The following PIP4K2A variants were observed in gnomAD, a reference collection of about 807,000 sequenced individuals.
PIP4K2A encodes the protein phosphatidylinositol 5-phosphate 4-kinase type-2 alpha.
Under a neutral mutation model 42.9 loss-of-function variants are expected in PIP4K2A, and 14 were observed. That is an observed-to-expected ratio of 0.33 (90% CI 0.22 to 0.51). The LOEUF is 0.51. PIP4K2A is among the 20% of genes least tolerant of loss of function. The pLI, the probability that PIP4K2A is intolerant of heterozygous loss-of-function variation, is 0.97. For missense variants in PIP4K2A, 434 were observed against 519.8 expected (o/e 0.83, Z 1.61); for synonymous variants, 192 against 192.2 (o/e 1.00, Z 0.01).
At chr10:22,600,859 A>G (rs1226746936) in intron 3 of PIP4K2A, among the ~76,000 whole-genome samples, 1 of 152,124 alleles carries the variant, frequency 6.6e-6, no homozygotes, top group African/African-American at 2.4e-5. Flanking sequence ...CTCTTGGGGA[A>G]TTTCAAAGAA....
At chr10:22,606,373 A>T (rs1442115236) in intron 3 of PIP4K2A, among the ~76,000 whole-genome samples, 1 of 152,124 alleles carries the variant, frequency 6.6e-6, no homozygotes, top group Non-Finnish European at 1.5e-5. Flanking sequence ...ATAGCAGATG[A>T]GCAACCACAT....
intron 1 of PIP4K2A, among the ~76,000 whole-genome samples, chr10:22,711,088 T>C (rs1260232147): frequency 1.3e-5 from 2 of 152,258 alleles, no homozygotes. Context: ...TTATATTCTC[T>C]GCTTAAAATA....
intron 4 of PIP4K2A, among the ~76,000 whole-genome samples, chr10:22,575,539 T>C (rs2130798967): frequency 6.6e-6 from 1 of 152,330 alleles, no homozygotes; most frequent in East Asian, 1.9e-4. Flanking sequence ...CAGCAAATCA[T>C]TGACTAGTTG....
rs574699578 is a variant in PIP4K2A, at chr10:22,696,296, G to C, written c.144+17887C>G. Among the ~76,000 whole-genome samples, 540 of 152,280 alleles carry C rather than the reference G, an allele frequency of 3.5e-3. 2 individuals carry two copies. The highest frequency in any genetic ancestry group is 6.4e-3 in the Non-Finnish European group (434 of 68,016). ...TTTGTAGGAAACACAGGCTATAAGGGTCTCTCCTCAGCTGACATGCCCAAC... is the reference window on the plus strand; with the variant it reads ...TTTGTAGGAAACACAGGCTATAAGGCTCTCTCCTCAGCTGACATGCCCAAC... On this transcript the variant is annotated intron_variant, in intron 1 of 9. Transcript: ENST00000376573.
At chr10:22,604,958 G>A (rs1009161539) in intron 3 of PIP4K2A, among the ~76,000 whole-genome samples, 2 of 152,160 alleles carry the variant, frequency 1.3e-5, no homozygotes, top group African/African-American at 4.8e-5. Context: ...GGCCTGCGAG[G>A]TGACCCTGGA....
Position 22,591,745 on chromosome 10 carries a change from A to G in PIP4K2A, c.376T>C (p.Ser126Pro). The G allele has an allele frequency of 3.1e-6, 5 of 1,612,796 alleles. No individual in the cohort carries two copies. The highest frequency in any genetic ancestry group is 4.2e-6 in the Non-Finnish European group (5 of 1,179,310). The change falls in exon 4 of 10, where the codon TCC becomes CCC. Residue 126 changes from serine to proline, a missense_variant. Physicochemically the swap from Ser to Pro is moderately conservative, Grantham distance 74. This residue lies in a region of PIP4K2A where 395 missense variants were observed against 444.5 expected (regional missense o/e 0.89). Transcript: ENST00000376573. ...LTRSAPLPND[S>P]QARSGARFHT... ...AAACGAGCTCCACTGCGGGCCTGGG[A>G]GTCGTTGGGGAGGGGTGCGCTCCTG...
chr10:22,604,078 T>A (rs914792857), intron 3 of PIP4K2A, among the ~76,000 whole-genome samples: 1 of 152,184 alleles, frequency 6.6e-6, no homozygotes, highest in Admixed American at 6.5e-5. Context: ...GTGGTACTGT[T>A]ATTAACAATG....
intron 1 of PIP4K2A, among the ~76,000 whole-genome samples, chr10:22,674,415 CAAAAAA>C (rs1002492534): frequency 1.5e-4 from 9 of 61,126 alleles, no homozygotes; most frequent in South Asian, 6.9e-4. Context: ...CACTTGGGAG[CAAAAAA>C]AAAAAAAAAA....
At chr10:22,695,195 A>G (rs978762667) in intron 1 of PIP4K2A, among the ~76,000 whole-genome samples, 2 of 152,246 alleles carry the variant, frequency 1.3e-5, no homozygotes, top group Non-Finnish European at 2.9e-5. Context: ...TCACGCTATC[A>G]ATAATTTTTA....
At chr10:22,590,439 C>T (rs575883657) in intron 4 of PIP4K2A, among the ~76,000 whole-genome samples, 1 of 152,272 alleles carries the variant, frequency 6.6e-6, no homozygotes, top group South Asian at 2.1e-4. Flanking sequence ...GCTATGGCCA[C>T]CACCACACAT....
intron 1 of PIP4K2A, among the ~76,000 whole-genome samples, chr10:22,708,958 A>AT (rs1020058892): frequency 6.6e-6 from 1 of 151,988 alleles, no homozygotes; most frequent in South Asian, 2.1e-4. Flanking sequence ...ATGTTTTTAC[A>AT]TTTTTTGTAG....
intron 1 of PIP4K2A, among the ~76,000 whole-genome samples, chr10:22,683,238 A>G (rs181551504): frequency 2.0e-5 from 3 of 152,174 alleles, no homozygotes; most frequent in East Asian, 1.9e-4. Context: ...CTCAACTCTT[A>G]TGAGTTCTGC....
Position 22,681,160 on chromosome 10 carries a change from CT to C in PIP4K2A, c.144+33022del, listed in dbSNP as rs374345104. Among the ~76,000 whole-genome samples the C allele has an allele frequency of 5.8e-3, 876 of 152,294 alleles. 5 individuals carry two copies. Among genetic ancestry groups the C allele is most frequent in the African/African-American group, 0.02 (827 of 41,562 alleles). ...TGTATCGTTCTCAGCATAAAAGTGT[CT>C]TGCTTTGGCCAATTCCTTTGGATTT... On this transcript the variant is annotated intron_variant, in intron 1 of 9. Coordinates refer to ENST00000376573, the MANE Select transcript of PIP4K2A (RefSeq NM_005028.5).
chr10:22,671,221 T>C (rs1272234381), intron 1 of PIP4K2A, among the ~76,000 whole-genome samples: 2 of 152,196 alleles, frequency 1.3e-5, no homozygotes, highest in Admixed American at 6.5e-5. Context: ...AATAGCTAAT[T>C]CAACATACTA....
rs1259321772 is a variant in PIP4K2A at position 22,536,890 on chromosome 10, T to C, written c.*311A>G. On this transcript the variant is annotated 3_prime_UTR_variant, in exon 10 of 10. Coordinates refer to ENST00000376573, the MANE Select transcript of PIP4K2A (RefSeq NM_005028.5). ...ATCAAAGGGTCTTTGTTGGGACACA[T>C]ACTGACCGAAGTGGATCTGTTTTAA... 3.8e-6 allele frequency: 1 copy of C among 262,428 alleles called. No individual in the cohort carries two copies. The highest frequency in any genetic ancestry group is 6.3e-5 in the South Asian group (1 of 15,752). The allele number at this position is 262,428 out of a possible 1,614,324, so 16.3% of individuals were successfully genotyped here. A position where few individuals can be genotyped will look rare whatever the true frequency, so the allele number is the denominator to read the frequency against.
intron 3 of PIP4K2A, among the ~76,000 whole-genome samples, chr10:22,604,131 GA>G: frequency 6.6e-6 from 1 of 152,218 alleles, no homozygotes; most frequent in Admixed American, 6.5e-5. Flanking sequence ...TAACAACAAG[GA>G]AAAGTCATTT....
chr10:22,665,240 A>G (rs1839324101), intron 1 of PIP4K2A, among the ~76,000 whole-genome samples: 1 of 152,202 alleles, frequency 6.6e-6, no homozygotes, highest in African/African-American at 2.4e-5. Context: ...ATGTGTGATG[A>G]CAAAAGCAAC....
intron 1 of PIP4K2A, among the ~76,000 whole-genome samples, chr10:22,650,354 C>G (rs1470284626): frequency 1.3e-5 from 2 of 152,126 alleles, no homozygotes; most frequent in Non-Finnish European, 1.5e-5. Flanking sequence ...TTCCCGGGCT[C>G]AAGGGATCCT....
At chr10:22,585,433 G>A (rs1261280652) in intron 4 of PIP4K2A, among the ~76,000 whole-genome samples, 4 of 152,080 alleles carry the variant, frequency 2.6e-5, no homozygotes, top group African/African-American at 4.8e-5. Flanking sequence ...CCCATTTATC[G>A]ATTCAGTCAC....
Sources: gnomAD v4.1 joint callset for allele counts (sites outside exome capture counted in the v4.1 genomes callset) on GRCh38, gnomAD v4.1.1 for gene constraint, gnomAD v4.1.1 regional missense constraint, MANE v1.5 for transcripts, NCBI Gene and HGNC (gene_info 2026-07-23, HGNC 2026-07-21) for gene names.